IL7: variants seen among roughly 807,000 people sequenced by gnomAD.
IL7 encodes the protein interleukin-7.
In IL7, 3 loss-of-function variants were observed where a neutral mutation model predicts 21.6. That is an observed-to-expected ratio of 0.14 (90% CI 0.06 to 0.36). IL7 has a LOEUF of 0.36. IL7 is among the 10% of genes least tolerant of loss of function. IL7 has a pLI of 1.00. For synonymous variants in IL7, 62 were observed against 68.1 expected, an observed-to-expected ratio of 0.91 and a Z score of 0.44; for missense variants, 175 against 200.2, an observed-to-expected ratio of 0.87 and a Z score of 0.76.
chr8:78,722,564 A>C (rs1811260492), intron 3 of IL7, among the ~76,000 whole-genome samples: 1 of 152,000 alleles, frequency 6.6e-6, no homozygotes, highest in South Asian at 2.1e-4. Flanking sequence ...CTAATCAAGA[A>C]CTATGATCTA....
chr8:78,783,909 A>G (rs1002569465), intron 2 of IL7, among the ~76,000 whole-genome samples: 1 of 152,182 alleles, frequency 6.6e-6, no homozygotes, highest in Admixed American at 6.5e-5. Context: ...TTGAGAGCAT[A>G]ACTCTAAACA....
In IL7 at chr8:78,688,840, C is replaced by T. The variant is rs527979776; in HGVS notation, n.215-2893G>A. Among the ~76,000 whole-genome samples the T allele has an allele frequency of 4.0e-4, 61 of 152,046 alleles. 1 individual carries two copies. The highest frequency in any genetic ancestry group is 1.4e-3 in the African/African-American group (60 of 41,518). ...GCCTGTATTTTAAAATGTATTTTAA[C>T]GTCATGTATTATTACTTCCTAACTA... is the stretch of plus-strand genomic sequence containing the variant. On this transcript the variant is annotated intron_variant and non_coding_transcript_variant, in intron 3 of 4. Transcript: ENST00000523959.
chr8:78,721,224 A>C (rs541297571), intron 4 of IL7: 4 of 152,174 alleles, frequency 2.6e-5, no homozygotes, highest in South Asian at 2.1e-4. Flanking sequence ...AAAGTGCGGC[A>C]GAAATATTAA....
intron 3 of IL7, among the ~76,000 whole-genome samples, chr8:78,695,159 C>A (rs768475190): frequency 1.3e-5 from 2 of 152,072 alleles, no homozygotes; most frequent in South Asian, 2.1e-4. Context: ...CTGACTAGTT[C>A]TTGTCTAAAG....
At chr8:78,740,978 C>T (rs867199732) in intron 2 of IL7, among the ~76,000 whole-genome samples, 16 of 152,016 alleles carry the variant, frequency 1.1e-4, no homozygotes, top group Middle Eastern at 3.4e-3. Flanking sequence ...TCTTATGCAC[C>T]GGGTTGGACT....
At chr8:78,780,906 T>C (rs946326725) in intron 2 of IL7, among the ~76,000 whole-genome samples, 28 of 152,234 alleles carry the variant, frequency 1.8e-4, no homozygotes, top group African/African-American at 6.8e-4. Flanking sequence ...TTTATGAATC[T>C]AGGTGCTCCT....
intron 4 of IL7, among the ~76,000 whole-genome samples, chr8:78,681,075 C>T (rs1242715860): frequency 6.9e-6 from 1 of 144,732 alleles, no homozygotes; most frequent in African/African-American, 2.5e-5. Flanking sequence ...AGGCTGTGAC[C>T]TTTTTTTTTT....
intron 2 of IL7, chr8:78,759,993 G>C: frequency 2.2e-6 from 1 of 462,274 alleles, no homozygotes; most frequent in Non-Finnish European, 3.7e-6. Flanking sequence ...AGTTCAAACA[G>C]GGGCCATTTA....
rs1054597273 is a variant in IL7, at chr8:78,733,590, G to A, written c.*123C>T. On this transcript the variant is annotated 3_prime_UTR_variant, in exon 6 of 6. Coordinates refer to ENST00000263851, the MANE Select transcript of IL7 (RefSeq NM_000880.4). ...ATGCATTTCTCAAATGCCCTAATCC[G>A]TTTTGACCATGGTGCATTCAGTAAC... 1.4e-5 allele frequency: 14 copies of A among 996,080 alleles called. No homozygotes were observed. The highest frequency in any genetic ancestry group is 8.5e-5 in the African/African-American group (5 of 58,652). The allele number at this position is 996,080 out of a possible 1,614,324, so 61.7% of individuals were successfully genotyped here.
At chr8:78,743,538 T>C (rs1462267739) in intron 2 of IL7, among the ~76,000 whole-genome samples, 4 of 151,412 alleles carry the variant, frequency 2.6e-5, no homozygotes, top group Non-Finnish European at 5.9e-5. Context: ...AGCTCTGAAA[T>C]TCTTTCCTCT....
intron 4 of IL7, among the ~76,000 whole-genome samples, chr8:78,737,650 T>A (rs1450520229): frequency 3.3e-5 from 5 of 152,104 alleles, no homozygotes; most frequent in Non-Finnish European, 7.4e-5. Flanking sequence ...GATTCAAAGA[T>A]AATCTTACCA....
chr8:78,787,694 G>A (rs1191044111), intron 2 of IL7, among the ~76,000 whole-genome samples: 1 of 152,056 alleles, frequency 6.6e-6, no homozygotes, highest in African/African-American at 2.4e-5. Flanking sequence ...CCATATTTAG[G>A]GGTCATTTCC....
At chr8:78,717,476 C>T (rs770959996), downstream of IL7, 10 of 1,559,036 alleles carry the variant, frequency 6.4e-6, no homozygotes, top group Non-Finnish European at 8.6e-6. Context: ...ATGTGGCATT[C>T]GAAGAATGAT....
intron 2 of IL7, among the ~76,000 whole-genome samples, chr8:78,758,772 T>A (rs562587750): frequency 5.2e-4 from 79 of 152,226 alleles, no homozygotes; most frequent in African/African-American, 1.8e-3. Flanking sequence ...TTGCTATTTT[T>A]AAAATTCTCC....
Position 78,733,638 on chromosome 8 carries a change from A to G in IL7, c.*75T>C. On this transcript the variant is annotated 3_prime_UTR_variant, in exon 6 of 6. Coordinates refer to ENST00000263851, the MANE Select transcript of IL7 (RefSeq NM_000880.4). ...AACTTCTAGGAAGCATTCCACTCTG[A>G]AAAACTGCATAAGCAGATAGATTCT... The G allele has an allele frequency of 6.6e-7, 1 of 1,505,774 alleles. No individual in the cohort carries two copies. 93.3% of individuals were successfully genotyped at this position (1,505,774 alleles called of 1,614,324 possible). A position where few individuals can be genotyped will look rare whatever the true frequency, so the allele number is the denominator to read the frequency against.
At chr8:78,785,247 A>C (rs1307044421) in intron 2 of IL7, among the ~76,000 whole-genome samples, 1 of 152,048 alleles carries the variant, frequency 6.6e-6, no homozygotes, top group Non-Finnish European at 1.5e-5. Flanking sequence ...TTGTGGAAAA[A>C]ATTTCCTCTA....
Position 78,677,862 on chromosome 8 carries a change from A to G in IL7, n.274-1758T>C, listed in dbSNP as rs185191048. 3.3e-3 allele frequency among the ~76,000 whole-genome samples: 506 copies of G among 152,318 alleles called. 1 individual carries two copies. Among genetic ancestry groups the G allele is most frequent in the African/African-American group, 0.012 (486 of 41,578 alleles). ...AAAGGAATGAAAGAACGGGTACTCCATAGACAGAGCAGCCCTGAAGGCTGC... is the reference window on the plus strand; with the variant it reads ...AAAGGAATGAAAGAACGGGTACTCCGTAGACAGAGCAGCCCTGAAGGCTGC... On this transcript the variant is annotated intron_variant and non_coding_transcript_variant, in intron 4 of 4. Transcript: ENST00000523959.
At chr8:78,789,325 T>G (rs558716884) in intron 2 of IL7, among the ~76,000 whole-genome samples, 13 of 152,332 alleles carry the variant, frequency 8.5e-5, no homozygotes, top group Non-Finnish European at 1.9e-4. Flanking sequence ...AGGAAATTTA[T>G]ATTTTACTCT....
In IL7 at chr8:78,804,999, C is replaced by T. The variant is rs990290188; in HGVS notation, c.-77G>A. 1.2e-5 allele frequency: 18 copies of T among 1,522,038 alleles called. No homozygotes were observed. Among genetic ancestry groups the T allele is most frequent in the Admixed American group, 1.8e-5 (1 of 54,164 alleles). The allele number at this position is 1,522,038 out of a possible 1,614,324, so 94.3% of individuals were successfully genotyped here. ...AGCTCTCACCGCCCATAGTCACTCC[C>T]AGGACCCTGGTCTTCCGCGGAGTTG... On this transcript the variant is annotated 5_prime_UTR_variant, in exon 1 of 6. Coordinates refer to ENST00000263851, the MANE Select transcript of IL7 (RefSeq NM_000880.4).
Sources: gnomAD v4.1 joint callset for allele counts (sites outside exome capture counted in the v4.1 genomes callset) on GRCh38, gnomAD v4.1.1 for gene constraint, MANE v1.5 for transcripts, NCBI Gene and HGNC (gene_info 2026-07-23, HGNC 2026-07-21) for gene names.